The following PANK2 variants were observed in gnomAD, a reference collection of about 807,000 sequenced individuals.
PANK2 encodes the protein pantothenate kinase 2.
A neutral mutation model predicts 43.1 loss-of-function variants in PANK2; 36 were observed. The ratio of observed to expected loss-of-function variants is 0.84; its 90% confidence interval spans 0.64 to 1.10. The LOEUF is 1.10. Among genes scored for constraint, PANK2 ranks in the 50% least tolerant of loss-of-function variants. The pLI, the probability that PANK2 is intolerant of heterozygous loss-of-function variation, is 0.00. For synonymous variants in PANK2, 281 were observed against 238.2 expected (o/e 1.18, Z -1.66); for missense variants, 576 against 593.3 (o/e 0.97, Z 0.30).
chr20:3,890,365 CT>C (rs1196871321), intron 1 of PANK2, among the ~76,000 whole-genome samples: 1 of 152,156 alleles, frequency 6.6e-6, no homozygotes, highest in African/African-American at 2.4e-5. Flanking sequence ...CATTAAGGCT[CT>C]TTGTTTTGAG....
chr20:3,913,060 A>C (rs1303440126), intron 4 of PANK2, among the ~76,000 whole-genome samples: 4 of 151,804 alleles, frequency 2.6e-5, no homozygotes, highest in African/African-American at 9.7e-5. Context: ...AGTGGTTTCT[A>C]GTATATTTAC....
intron 1 of PANK2, 166 bp downstream of exon 1, chr20:3,889,894 C>T: frequency 5.9e-6 from 9 of 1,532,560 alleles, no homozygotes; most frequent in Non-Finnish European, 7.9e-6. Flanking sequence ...CTCGGGTGCT[C>T]CGAAAGCGGT....
intron 1 of PANK2, among the ~76,000 whole-genome samples, chr20:3,894,898 A>G (rs1368251596): frequency 6.6e-6 from 1 of 152,212 alleles, no homozygotes; most frequent in African/African-American, 2.4e-5. Context: ...TGTAAGAATC[A>G]TGCAGTTGGA....
At chr20:3,900,780 T>G (rs2090287606) in intron 1 of PANK2, among the ~76,000 whole-genome samples, 2 of 151,892 alleles carry the variant, frequency 1.3e-5, no homozygotes, top group Admixed American at 6.6e-5. Context: ...ATTTTTAAGT[T>G]TTTTTTGAGA....
At chr20:3,906,947 C>T (rs780600920) in intron 1 of PANK2, among the ~76,000 whole-genome samples, 2 of 151,906 alleles carry the variant, frequency 1.3e-5, no homozygotes, top group African/African-American at 2.4e-5. Flanking sequence ...TACAAGCGCA[C>T]GCCACCACAG....
chr20:3,918,300 T>G (rs2090594377), intron 5 of PANK2, among the ~76,000 whole-genome samples: 1 of 152,218 alleles, frequency 6.6e-6, no homozygotes, highest in Non-Finnish European at 1.5e-5. Flanking sequence ...TTTCGCTGCC[T>G]GTTATATTGC....
chr20:3,921,293 G>A (rs915222577), intron 6 of PANK2: 3 of 150,304 alleles, frequency 2.0e-5, no homozygotes, highest in Admixed American at 6.7e-5. Flanking sequence ...GATTATTTTA[G>A]CCTCTCTGAG....
At chr20:3,902,840 TA>T (rs752962141) in intron 1 of PANK2, among the ~76,000 whole-genome samples, 72 of 152,128 alleles carry the variant, frequency 4.7e-4, no homozygotes, top group Middle Eastern at 3.4e-3. Context: ...TGCTGTTAAA[TA>T]TATCTGTCAA....
intron 1 of PANK2, among the ~76,000 whole-genome samples, chr20:3,899,983 C>T (rs2090274868): frequency 6.6e-6 from 1 of 151,828 alleles, no homozygotes; most frequent in Non-Finnish European, 1.5e-5. Context: ...GGATTACAGG[C>T]GTGAGCCACT....
chr20:3,896,406 G>A (rs1365116412), intron 1 of PANK2, among the ~76,000 whole-genome samples: 1 of 151,998 alleles, frequency 6.6e-6, no homozygotes, highest in Non-Finnish European at 1.5e-5. Flanking sequence ...CCATTGGAAA[G>A]TGTGATGTTG....
At chr20:3,898,256 G>A (rs1343187462) in intron 1 of PANK2, among the ~76,000 whole-genome samples, 1 of 151,042 alleles carries the variant, frequency 6.6e-6, no homozygotes. Flanking sequence ...CTAGAGTGCA[G>A]TGGCACGATC....
chr20:3,917,082 A>G, intron 5 of PANK2, 32 bp downstream of exon 5: 4 of 1,613,384 alleles, frequency 2.5e-6, no homozygotes, highest in Non-Finnish European at 3.4e-6. Flanking sequence ...TAATTGCTCT[A>G]AGGAAAATAC....
At chr20:3,905,346 A>G (rs1356324730) in intron 1 of PANK2, among the ~76,000 whole-genome samples, 8 of 144,012 alleles carry the variant, frequency 5.6e-5, no homozygotes, top group African/African-American at 2.1e-4. Flanking sequence ...TGCTGCTGCT[A>G]TCTCTTTTTT....
chr20:3,923,018 C>T (rs2090670751), intron 6 of PANK2, among the ~76,000 whole-genome samples: 1 of 152,176 alleles, frequency 6.6e-6, no homozygotes, highest in African/African-American at 2.4e-5. Flanking sequence ...CCTCTTATCA[C>T]AGTGGTCTGA....
chr20:3,918,615 T>C (rs750693381), intron 5 of PANK2, 56 bp from the exon 6 acceptor site: 149 of 1,611,480 alleles, frequency 9.2e-5, no homozygotes, highest in Non-Finnish European at 1.2e-4. Flanking sequence ...GGGGTAGCTT[T>C]TATGAGAAAA....
At chr20:3,917,081 T>G in intron 5 of PANK2, 31 bp downstream of exon 5, 1 of 1,613,360 alleles carries the variant, frequency 6.2e-7, no homozygotes, top group Non-Finnish European at 8.5e-7. Flanking sequence ...TTAATTGCTC[T>G]AAGGAAAATA....
chr20:3,904,426 T>A (rs1167797114), intron 1 of PANK2, among the ~76,000 whole-genome samples: 1 of 151,500 alleles, frequency 6.6e-6, no homozygotes, highest in East Asian at 1.9e-4. Flanking sequence ...CCAAAATAGC[T>A]GGCATGGTTG....
intron 1 of PANK2, among the ~76,000 whole-genome samples, chr20:3,902,259 T>C (rs2090314234): frequency 6.6e-6 from 1 of 151,552 alleles, no homozygotes; most frequent in Non-Finnish European, 1.5e-5. Context: ...CTTGACCTCC[T>C]GGGCTCAAGC....
At chr20:3,889,114 G>A (rs748405977), upstream of PANK2, 12 of 1,548,648 alleles carry the variant, frequency 7.7e-6, no homozygotes, top group East Asian at 2.2e-4. Flanking sequence ...AGGAGGCTCG[G>A]GCCCTTCCAC....
Sources: gnomAD v4.1 joint callset for allele counts (sites outside exome capture counted in the v4.1 genomes callset) on GRCh38, gnomAD v4.1.1 for gene constraint, MANE v1.5 for transcripts, NCBI Gene and HGNC (gene_info 2026-07-23, HGNC 2026-07-21) for gene names.